The following COL23A1 variants were observed in gnomAD, a reference collection of about 807,000 sequenced individuals.
COL23A1 encodes collagen type XXIII alpha 1 chain.
Under a neutral mutation model 99.3 loss-of-function variants are expected in COL23A1, and 97 were observed. The observed-to-expected ratio is 0.98, with a 90% CI of 0.83 to 1.16. COL23A1 has a LOEUF of 1.16. COL23A1 is among the 50% of genes most tolerant of loss of function. COL23A1 has a pLI of 0.00. For missense variants in COL23A1, 762 were observed against 757.4 expected, an observed-to-expected ratio of 1.01 and a Z score of -0.07; for synonymous variants, 320 against 308.2, an observed-to-expected ratio of 1.04 and a Z score of -0.40.
At chr5:178,331,756 T>C (rs1240120709) in intron 2 of COL23A1, among the ~76,000 whole-genome samples, 1 of 152,184 alleles carries the variant, frequency 6.6e-6, no homozygotes, top group East Asian at 1.9e-4. Flanking sequence ...TGCTGGGAAA[T>C]AGCTGAGCCC....
In COL23A1 at chr5:178,335,556, C is replaced by A. The variant is rs536152283; in HGVS notation, c.362-28637G>T. 2.6e-5 allele frequency among the ~76,000 whole-genome samples: 4 copies of A among 152,322 alleles called. 1 individual carries two copies. In the South Asian group the frequency reaches 8.3e-4, roughly 32 times the overall value. On this transcript the variant is annotated intron_variant, in intron 2 of 28. Transcript: ENST00000390654. ...ATTCCTTCTTGAAACTGAGCCAGGG[C>A]AGGTGGCCTGGTCCATGTGTATCTG...
At chr5:178,560,302 G>A (rs1257904195) in intron 2 of COL23A1, among the ~76,000 whole-genome samples, 1 of 152,176 alleles carries the variant, frequency 6.6e-6, no homozygotes, top group Non-Finnish European at 1.5e-5. Context: ...GTCTGACATA[G>A]AGCTCTGGTT....
chr5:178,342,584 C>T (rs2127664351), intron 2 of COL23A1, among the ~76,000 whole-genome samples: 1 of 152,324 alleles, frequency 6.6e-6, no homozygotes, highest in African/African-American at 2.4e-5. Context: ...GCATCTGAAG[C>T]TCCCTGCTGA....
intron 2 of COL23A1, among the ~76,000 whole-genome samples, chr5:178,506,769 T>C (rs1353796442): frequency 1.3e-5 from 2 of 152,244 alleles, no homozygotes; most frequent in East Asian, 1.9e-4. Context: ...GTATATATCA[T>C]AGTTTCAAAA....
intron 2 of COL23A1, among the ~76,000 whole-genome samples, chr5:178,487,493 G>C (rs185407994): frequency 5.3e-5 from 8 of 151,894 alleles, no homozygotes; most frequent in Non-Finnish European, 8.8e-5. Context: ...GCTAATTTTT[G>C]TATCAGCCTC....
At chr5:178,292,974 C>G in intron 3 of COL23A1, among the ~76,000 whole-genome samples, 1 of 151,922 alleles carries the variant, frequency 6.6e-6, no homozygotes, top group South Asian at 2.1e-4. Context: ...GTAAGAAGAC[C>G]AGGAACTGGA....
intron 2 of COL23A1, among the ~76,000 whole-genome samples, chr5:178,478,119 C>G (rs565906708): frequency 6.6e-6 from 1 of 152,156 alleles, no homozygotes; most frequent in Admixed American, 6.5e-5. Flanking sequence ...TTGAGCCAGA[C>G]AGTGCCTGCG....
At chr5:178,261,623 TC>T in intron 11 of COL23A1, 98 bp downstream of exon 11, 1 of 812,642 alleles carries the variant, frequency 1.2e-6, no homozygotes, top group African/African-American at 1.7e-5. Context: ...TGCCTTGGCT[TC>T]ACTAGGGGTG....
chr5:178,460,277 T>C (rs958449243), intron 2 of COL23A1, among the ~76,000 whole-genome samples: 1 of 151,980 alleles, frequency 6.6e-6, no homozygotes, highest in Admixed American at 6.5e-5. Context: ...CACAGACAGA[T>C]GGCACCCACA....
intron 2 of COL23A1, among the ~76,000 whole-genome samples, chr5:178,482,124 A>G (rs1757373463): frequency 6.6e-6 from 1 of 152,126 alleles, no homozygotes; most frequent in African/African-American, 2.4e-5. Context: ...ACTCCTAGGT[A>G]TATTCCCAAA....
At chr5:178,423,550 G>C (rs940197782) in intron 2 of COL23A1, among the ~76,000 whole-genome samples, 1 of 152,174 alleles carries the variant, frequency 6.6e-6, no homozygotes, top group Non-Finnish European at 1.5e-5. Flanking sequence ...TAGGTTAGGG[G>C]CAGTAAATGC....
chr5:178,245,466 CCCAT>C (rs968241987), intron 25 of COL23A1, among the ~76,000 whole-genome samples: 4 of 150,446 alleles, frequency 2.7e-5, no homozygotes, highest in Admixed American at 6.6e-5. Flanking sequence ...CATCCACCCA[CCCAT>C]CCATCCATCA....
chr5:178,380,104 A>G (rs1290628623), intron 2 of COL23A1, among the ~76,000 whole-genome samples: 1 of 151,354 alleles, frequency 6.6e-6, no homozygotes, highest in Non-Finnish European at 1.5e-5. Context: ...CTATACACAA[A>G]ATTCTACATG....
chr5:178,421,932 G>A (rs183620322), intron 2 of COL23A1, among the ~76,000 whole-genome samples: 3 of 150,674 alleles, frequency 2.0e-5, no homozygotes, highest in South Asian at 2.1e-4. Flanking sequence ...GGTGAAGAAC[G>A]CCGGGGGGTG....
At chr5:178,322,200 G>T (rs1759362178) in intron 2 of COL23A1, among the ~76,000 whole-genome samples, 1 of 151,560 alleles carries the variant, frequency 6.6e-6, no homozygotes, top group South Asian at 2.1e-4. Flanking sequence ...CACTGTGTTG[G>T]CCAGGCTGTT....
At chr5:178,290,562 T>TGGAGGGGCCG (rs1757400502) in intron 3 of COL23A1, among the ~76,000 whole-genome samples, 193 bp from the exon 4 acceptor site, 1 of 152,126 alleles carries the variant, frequency 6.6e-6, no homozygotes, top group African/African-American at 2.4e-5. Context: ...CCTTTGCCCT[T>TGGAGGGGCCG]GGAGGGGCCG....
At chr5:178,357,978 ATATG>A (rs1334426935) in intron 2 of COL23A1, among the ~76,000 whole-genome samples, 18 of 143,622 alleles carry the variant, frequency 1.3e-4, no homozygotes, top group African/African-American at 4.5e-4. Context: ...GTATGTGTAT[ATATG>A]TGTGTATGCG....
intron 2 of COL23A1, among the ~76,000 whole-genome samples, chr5:178,358,393 GTGTA>G (rs1761926594): frequency 7.1e-6 from 1 of 140,192 alleles, no homozygotes; most frequent in African/African-American, 2.6e-5. Flanking sequence ...ATGTGTGTAT[GTGTA>G]TGTGTATGTG....
chr5:178,265,292 G>A lies in COL23A1; in HGVS notation c.523-1968C>T, dbSNP rs73338887. ...CTGATCAAAATATTACAGCTCCAGC[G>A]GAAAGGAAAGAAAACTGACAGTTTG... On this transcript the variant is annotated intron_variant, in intron 8 of 28. Transcript: ENST00000390654. 4.4e-3 allele frequency among the ~76,000 whole-genome samples: 669 copies of A among 152,290 alleles called. 5 individuals carry two copies. The highest frequency in any genetic ancestry group is 0.015 in the African/African-American group (613 of 41,568).
Sources: allele counts gnomAD v4.1 joint callset (sites outside exome capture counted in the v4.1 genomes callset), GRCh38; gene constraint gnomAD v4.1.1; transcripts MANE v1.5; gene names NCBI Gene and HGNC (gene_info 2026-07-23, HGNC 2026-07-21).